MACROD2: variants seen among roughly 807,000 people sequenced by gnomAD.
The protein encoded by MACROD2 is mono-ADP ribosylhydrolase 2.
In MACROD2, 36 loss-of-function variants were observed where a neutral mutation model predicts 70.4. That is an observed-to-expected ratio of 0.51 (90% CI 0.39 to 0.68). The LOEUF (loss-of-function observed/expected upper bound fraction) is 0.68. MACROD2 is among the 30% of genes least tolerant of loss of function. The pLI is 0.00. For synonymous variants in MACROD2, 172 were observed against 178.8 expected (o/e 0.96, Z 0.30); for missense variants, 496 against 538.4 (o/e 0.92, Z 0.78).
intron 4 of MACROD2, among the ~76,000 whole-genome samples, chr20:14,596,412 C>CATATATATATATATATAT (rs5840627): frequency 6.7e-4 from 96 of 143,022 alleles, no homozygotes; most frequent in African/African-American, 2.3e-3. Flanking sequence ...ATTTTTTAAA[C>CATATATATATATATATAT]ATATATATAT....
At chr20:14,749,101 A>G (rs1335529836) in intron 5 of MACROD2, among the ~76,000 whole-genome samples, 1 of 152,150 alleles carries the variant, frequency 6.6e-6, no homozygotes, top group Non-Finnish European at 1.5e-5. Context: ...ACATAGTGAC[A>G]CAAACACCAC....
At chr20:15,148,507 A>G (rs188640332) in intron 5 of MACROD2, among the ~76,000 whole-genome samples, 1 of 152,002 alleles carries the variant, frequency 6.6e-6, no homozygotes, top group Non-Finnish European at 1.5e-5. Flanking sequence ...ATCAGCTGTG[A>G]TGGCTTGGAA....
intron 3 of MACROD2, among the ~76,000 whole-genome samples, chr20:14,442,774 A>G (rs1003368351): frequency 1.3e-5 from 2 of 152,002 alleles, no homozygotes; most frequent in Non-Finnish European, 2.9e-5. Context: ...ATGGCATAAG[A>G]GTAAGAAATG....
At chr20:15,858,119 GA>G (rs11087149) in intron 8 of MACROD2, among the ~76,000 whole-genome samples, 13 of 150,404 alleles carry the variant, frequency 8.6e-5, no homozygotes, top group South Asian at 2.1e-4. Context: ...TGGGCCTTGG[GA>G]AAAAAAAAAT....
intron 10 of MACROD2, among the ~76,000 whole-genome samples, chr20:15,920,386 A>C (rs2065385555): frequency 6.6e-6 from 1 of 152,228 alleles, no homozygotes. Context: ...AAAGGAAAAA[A>C]TAAGCTAACA....
At chr20:15,640,321 C>T (rs753926127) in intron 8 of MACROD2, among the ~76,000 whole-genome samples, 5 of 150,990 alleles carry the variant, frequency 3.3e-5, no homozygotes, top group Admixed American at 3.3e-4. Flanking sequence ...AAGTGGATAG[C>T]GAGAGAGAGA....
At chr20:14,617,539 A>G (rs1694373027) in intron 4 of MACROD2, among the ~76,000 whole-genome samples, 1 of 152,138 alleles carries the variant, frequency 6.6e-6, no homozygotes. Context: ...GTTTTTCTGC[A>G]AGAAATGTTC....
intron 15 of MACROD2, among the ~76,000 whole-genome samples, chr20:15,988,188 A>G (rs1258814221): frequency 6.6e-6 from 1 of 152,158 alleles, no homozygotes; most frequent in African/African-American, 2.4e-5. Flanking sequence ...TATGCCTCTA[A>G]TAAGCTTTTC....
intron 5 of MACROD2, among the ~76,000 whole-genome samples, chr20:14,763,796 G>T (rs2072048353): frequency 6.6e-6 from 1 of 152,054 alleles, no homozygotes; most frequent in Admixed American, 6.5e-5. Flanking sequence ...CTGAGAGACG[G>T]TGTCTAGTGG....
intron 12 of MACROD2, among the ~76,000 whole-genome samples, chr20:15,967,324 C>T (rs1248875557): frequency 6.6e-6 from 1 of 152,162 alleles, no homozygotes; most frequent in African/African-American, 2.4e-5. Flanking sequence ...TGCAAAAAGA[C>T]ATCCCAGCTA....
At position 14,579,213 on chromosome 20, in the gene MACROD2, C is replaced by A. The variant is rs372154419; in HGVS notation, c.301+85705C>A. Among the ~76,000 whole-genome samples, 970 of 142,352 alleles carry A rather than the reference C, an allele frequency of 6.8e-3. 11 individuals carry two copies. The highest frequency in any genetic ancestry group is 0.012 in the Middle Eastern group (3 of 250). The allele number at this position is 142,352 out of a possible 152,430, so 93.4% of individuals were successfully genotyped here. A position where few individuals can be genotyped will look rare whatever the true frequency, so the allele number is the denominator to read the frequency against. ...GCGGACTGCAGTGGCGCAATCTCGGCTCACTGCAAGCTCCGCTTCCCGGGT... is the reference window on the plus strand; with the variant it reads ...GCGGACTGCAGTGGCGCAATCTCGGATCACTGCAAGCTCCGCTTCCCGGGT... On this transcript the variant is annotated intron_variant, in intron 4 of 17. Coordinates refer to ENST00000684519, the MANE Select transcript of MACROD2 (RefSeq NM_001351661.2).
chr20:15,583,458 C>T (rs927315634), intron 8 of MACROD2, among the ~76,000 whole-genome samples: 8 of 152,132 alleles, frequency 5.3e-5, no homozygotes, highest in Admixed American at 2.6e-4. Flanking sequence ...TCATTTTCTG[C>T]GGAGTGGCTC....
chr20:14,785,585 A>T (rs2072359718), intron 5 of MACROD2, among the ~76,000 whole-genome samples: 1 of 152,046 alleles, frequency 6.6e-6, no homozygotes, highest in South Asian at 2.1e-4. Context: ...CGCTCCTCTG[A>T]TGCCCCAGCC....
intron 3 of MACROD2, among the ~76,000 whole-genome samples, chr20:14,259,287 T>C (rs1048451741): frequency 2.0e-5 from 3 of 152,334 alleles, no homozygotes; most frequent in African/African-American, 7.2e-5. Flanking sequence ...AAATGAGAAA[T>C]ATTTTGAACC....
At position 15,197,306 on chromosome 20, in the gene MACROD2, T is replaced by C. The variant is rs146777272; in HGVS notation, c.419-32634T>C. On this transcript the variant is annotated intron_variant, in intron 5 of 17. Coordinates refer to ENST00000684519, the MANE Select transcript of MACROD2 (RefSeq NM_001351661.2). ...CACAAAAAGAGAATACTAGTAAATA[T>C]TGCTAATAATTAAAATAGTATATAT... 1.0e-3 allele frequency among the ~76,000 whole-genome samples: 154 copies of C among 152,204 alleles called. 1 individual carries two copies. The highest frequency in any genetic ancestry group is 3.4e-3 in the Middle Eastern group (1 of 294).
At chr20:14,668,483 C>T (rs999912916) in intron 4 of MACROD2, among the ~76,000 whole-genome samples, 4 of 152,088 alleles carry the variant, frequency 2.6e-5, no homozygotes, top group African/African-American at 7.2e-5. Context: ...ATAACGCAGG[C>T]CTAGGGTACA....
intron 5 of MACROD2, among the ~76,000 whole-genome samples, chr20:14,824,304 A>T (rs1600700504): frequency 6.6e-6 from 1 of 152,212 alleles, no homozygotes; most frequent in Non-Finnish European, 1.5e-5. Flanking sequence ...GGAGTTGGTC[A>T]TCAGTAGCAG....
chr20:14,811,811 A>G (rs2072715106), intron 5 of MACROD2, among the ~76,000 whole-genome samples: 1 of 152,172 alleles, frequency 6.6e-6, no homozygotes, highest in Non-Finnish European at 1.5e-5. Flanking sequence ...TGTGTGGCCA[A>G]CGAGCATATG....
intron 5 of MACROD2, among the ~76,000 whole-genome samples, chr20:15,085,873 AACACACACACACACAC>A (rs3070249): frequency 1.2e-4 from 18 of 144,292 alleles, no homozygotes; most frequent in African/African-American, 2.1e-4. Flanking sequence ...ACACACACAC[AACACACACACACACAC>A]ACACACACAC....
Sources: allele counts gnomAD v4.1 joint callset (sites outside exome capture counted in the v4.1 genomes callset), GRCh38; gene constraint gnomAD v4.1.1; transcripts MANE v1.5; gene names NCBI Gene and HGNC (gene_info 2026-07-23, HGNC 2026-07-21).